WNT4: variants seen among roughly 807,000 people sequenced by gnomAD.
WNT4 encodes protein Wnt-4.
A neutral mutation model predicts 34.5 loss-of-function variants in WNT4; 16 were observed. The ratio of observed to expected loss-of-function variants is 0.46; its 90% CI spans 0.31 to 0.70. WNT4 has a LOEUF of 0.70. WNT4 is among the 30% of genes least tolerant of loss of function. WNT4 has a pLI of 0.04. For synonymous variants in WNT4, 200 were observed against 211.9 expected (o/e 0.94, Z 0.49); for missense variants, 379 against 495.9 (o/e 0.76, Z 2.24).
In WNT4 at chr1:22,119,766, A is replaced by G. The variant is rs1415936623; in HGVS notation, c.*284T>C. 1.8e-6 allele frequency: 1 copy of G among 541,252 alleles called. No individual in the cohort carries two copies. Among genetic ancestry groups the G allele is most frequent in the Non-Finnish European group, 3.3e-6 (1 of 299,016 alleles). The allele number at this position is 541,252 out of a possible 1,614,324, so 33.5% of individuals were successfully genotyped here. A position where few individuals can be genotyped will look rare whatever the true frequency, so the allele number is the denominator to read the frequency against. ...TCTGCAAGTAGAAAAACGGACACAG[A>G]TAACAACTGAGTGGTCAGTGGCAGC... On this transcript the variant is annotated 3_prime_UTR_variant, in exon 5 of 5. Coordinates refer to ENST00000290167, the MANE Select transcript of WNT4 (RefSeq NM_030761.5).
intron 1 of WNT4, among the ~76,000 whole-genome samples, chr1:22,132,870 AGGGTCTCGCCCGGGCAGGGCT>A (rs1645994811): frequency 6.6e-6 from 1 of 151,960 alleles, no homozygotes; most frequent in South Asian, 2.1e-4. Context: ...CCCAGACCCC[AGGGTCTCGCCCGGGCAGGGCT>A]GGGTGCCAGG....
intron 2 of WNT4, among the ~76,000 whole-genome samples, chr1:22,124,290 G>A (rs142493081): frequency 1.2e-4 from 19 of 152,342 alleles, no homozygotes; most frequent in Admixed American, 2.0e-4. Flanking sequence ...GGGTAAGGCA[G>A]AACTCTACGG....
intron 2 of WNT4, chr1:22,127,290 C>T (rs775611369): frequency 1.5e-5 from 8 of 525,356 alleles, no homozygotes; most frequent in Admixed American, 7.9e-5. Flanking sequence ...GATGCTGAGC[C>T]GGTGTGGGTG....
In WNT4 at chr1:22,137,559, G is replaced by T. The variant is rs1235161488; in HGVS notation, c.77+5287C>A. ...GGTGCAAATGCTCAGCTTTCCCAGTGTACCCACAGAGCCTGAGTTGGGCGA... is the reference window on the plus strand; with the variant it reads ...GGTGCAAATGCTCAGCTTTCCCAGTTTACCCACAGAGCCTGAGTTGGGCGA... On this transcript the variant is annotated intron_variant, in intron 1 of 4. Transcript: ENST00000290167. The surrounding 1 kb of genome is among the most constrained non-coding windows in gnomAD (Gnocchi z 5.3). Among the ~76,000 whole-genome samples the T allele has an allele frequency of 2.0e-5, 3 of 152,370 alleles. No individual in the cohort carries two copies. The East Asian group carries it at 5.8e-4, about 29-fold the overall frequency.
intron 4 of WNT4, 54 bp from the exon 5 acceptor site, chr1:22,120,571 G>C: frequency 6.5e-7 from 1 of 1,549,296 alleles, no homozygotes; most frequent in Non-Finnish European, 8.8e-7. Flanking sequence ...GGGAAGGCAG[G>C]GGAGGGCCGC....
intron 2 of WNT4, chr1:22,127,348 C>T (rs1403043657): frequency 3.8e-6 from 2 of 532,522 alleles, no homozygotes; most frequent in South Asian, 2.8e-5. Flanking sequence ...TCATGGGGTC[C>T]TGAGTACCCA....
chr1:22,123,020 C>T (rs1378967272), intron 2 of WNT4, among the ~76,000 whole-genome samples: 3 of 152,246 alleles, frequency 2.0e-5, no homozygotes, highest in Admixed American at 6.5e-5. Context: ...GAGTCTTCTC[C>T]GAGTTAATCG....
chr1:22,130,144 GC>G (rs1553199871), intron 1 of WNT4, among the ~76,000 whole-genome samples: 2 of 152,214 alleles, frequency 1.3e-5, no homozygotes, highest in Non-Finnish European at 2.9e-5. Flanking sequence ...TGCCCTGGCA[GC>G]CCCCGTGCCA....
rs528675053 is a variant in WNT4, at chr1:22,120,323, C to G, written c.783G>C (p.Gln261His). 5 of 1,614,244 alleles carry G rather than the reference C, an allele frequency of 3.1e-6. No individual in the cohort carries two copies. The highest frequency in any genetic ancestry group is 1.7e-5 in the Admixed American group (1 of 60,038). Residue 261 changes from glutamine (Q) to histidine (H), a missense_variant, in exon 5 of 5, where the codon CAG (glutamine) becomes CAC (histidine). Physicochemically the swap from Gln to His is conservative, Grantham distance 24 (BLOSUM62 0). This residue lies in a region of WNT4 where 313 missense variants were observed against 445.8 expected (regional missense o/e 0.70). Transcript: ENST00000290167. ...GGTCCTCATCTGTGTGCGGCTTGAA[C>G]TGTGCGTTGCGTGGCACCAGTGCCC... Reference protein sequence around the residue: ...SSRALVPRNAQFKPHTDEDLV... With the variant: ...SSRALVPRNAHFKPHTDEDLV...
chr1:22,127,574 A>G, intron 2 of WNT4: 2 of 438,612 alleles, frequency 4.6e-6, no homozygotes, highest in Admixed American at 2.5e-5. Flanking sequence ...GGAGATACGC[A>G]TTTCAATCTA....
Position 22,119,171 on chromosome 1 carries a change from G to GGT in WNT4, c.*877_*878dup, listed in dbSNP as rs138159299. On this transcript the variant is annotated 3_prime_UTR_variant, in exon 5 of 5. Coordinates refer to ENST00000290167, the MANE Select transcript of WNT4 (RefSeq NM_030761.5). ...AGCCCTTTCCTCCCTCTCTCTCGCA[G>GGT]GTGTGTGTGTGTGTCCGTGTGTGTG... is the stretch of plus-strand genomic sequence containing the variant. 0.092 allele frequency: 12,699 copies of GGT among 137,760 alleles called. 626 individuals are homozygous for GGT. The highest frequency in any genetic ancestry group is 0.14 in the South Asian group (560 of 3,890). The allele number at this position is 137,760 out of a possible 1,614,324, so 8.5% of individuals were successfully genotyped here. A position where few individuals can be genotyped will look rare whatever the true frequency, so the allele number is the denominator to read the frequency against.
intron 1 of WNT4, 64 bp from the exon 2 acceptor site, chr1:22,129,915 C>A (rs541190528): frequency 1.9e-6 from 3 of 1,571,330 alleles, no homozygotes; most frequent in Non-Finnish European, 2.6e-6. Context: ...CCGGACCAGG[C>A]CTGAGCTCCA....
chr1:22,130,930 G>A (rs1300005413), intron 1 of WNT4, among the ~76,000 whole-genome samples: 1 of 152,244 alleles, frequency 6.6e-6, no homozygotes, highest in South Asian at 2.1e-4. Context: ...ACTTGGGACT[G>A]GGCTAAGTAC....
At chr1:22,123,436 C>G (rs1645917190) in intron 2 of WNT4, among the ~76,000 whole-genome samples, 1 of 152,092 alleles carries the variant, frequency 6.6e-6, no homozygotes, top group South Asian at 2.1e-4. Context: ...AACAAGAACA[C>G]TGGAGTTTTC....
chr1:22,138,983 G>A (rs1030497813), intron 1 of WNT4, among the ~76,000 whole-genome samples: 1 of 152,236 alleles, frequency 6.6e-6, no homozygotes, highest in African/African-American at 2.4e-5. Flanking sequence ...CCAGGGCACG[G>A]AAAGGTGCTC....
At chr1:22,123,485 G>A (rs1278377211) in intron 2 of WNT4, among the ~76,000 whole-genome samples, 1 of 152,192 alleles carries the variant, frequency 6.6e-6, no homozygotes, top group Non-Finnish European at 1.5e-5. Context: ...GATTCTGGAA[G>A]GAAGATAATA....
chr1:22,142,982 G>C lies in WNT4; in HGVS notation c.-60C>G, dbSNP rs1288124786. 66 of 952,430 alleles carry C rather than the reference G, an allele frequency of 6.9e-5. No individual in the cohort carries two copies. The East Asian group carries it at 7.0e-3, about 101-fold the overall frequency. 59.0% of individuals were successfully genotyped at this position (952,430 alleles called of 1,614,324 possible). On this transcript the variant is annotated 5_prime_UTR_variant, in exon 1 of 5. Coordinates refer to ENST00000290167, the MANE Select transcript of WNT4 (RefSeq NM_030761.5). The surrounding 1 kb of genome is among the most constrained non-coding windows in gnomAD (Gnocchi z 6.0). The stretch of plus-strand genomic sequence containing the variant: ...CTGCGGCCGCGGGGGGCCTCCCGTC[G>C]GGGCTGCAGGTGGGCGCCCGCGGGC...
At chr1:22,132,596 G>A (rs1386758571) in intron 1 of WNT4, among the ~76,000 whole-genome samples, 1 of 152,174 alleles carries the variant, frequency 6.6e-6, no homozygotes, top group Non-Finnish European at 1.5e-5. Flanking sequence ...TGAATAAGTA[G>A]TAAGATGGAC....
chr1:22,142,118 G>A lies in WNT4; in HGVS notation c.77+728C>T, dbSNP rs1421355749. The stretch of plus-strand genomic sequence containing the variant: ...CCCCTACCCAGGGAGCGCCCTGAGC[G>A]CAGATCCAGTCAAGGAGAAACAGAC... On this transcript the variant is annotated intron_variant, in intron 1 of 4. Transcript: ENST00000290167. This position sits in a 1 kb window ranked among gnomAD's most constrained non-coding sequence, Gnocchi z 6.0. 6.6e-6 allele frequency among the ~76,000 whole-genome samples: 1 copy of A among 152,162 alleles called. No homozygotes were observed. Among genetic ancestry groups the A allele is most frequent in the Admixed American group, 6.5e-5 (1 of 15,282 alleles).
Sources: gnomAD v4.1 joint callset for allele counts (sites outside exome capture counted in the v4.1 genomes callset) on GRCh38, gnomAD v4.1.1 for gene constraint, gnomAD v4.1.1 regional missense constraint, Gnocchi (gnomAD v3.1) non-coding constraint, MANE v1.5 for transcripts, NCBI Gene and HGNC (gene_info 2026-07-23, HGNC 2026-07-21) for gene names.